CACNA1I: variants seen among roughly 807,000 people sequenced by gnomAD.
The protein encoded by CACNA1I is calcium voltage-gated channel subunit alpha1 I.
A neutral mutation model predicts 201.6 loss-of-function variants in CACNA1I; 74 were observed. That is an observed-to-expected ratio of 0.37 (90% CI 0.30 to 0.45). The LOEUF is 0.45. Among genes scored for constraint, CACNA1I ranks in the 20% least tolerant of loss-of-function variants. The probability of loss-of-function intolerance (pLI) is 1.00; values close to 1 mark genes in which losing one functional copy is unlikely to be tolerated. For synonymous variants in CACNA1I, 1,431 were observed against 1,345.2 expected (o/e 1.06, Z -1.40); for missense variants, 2,346 against 3,138.1 (o/e 0.75, Z 6.03).
Position 39,677,311 on chromosome 22 carries a change from C to A in CACNA1I, c.4855-30C>A, listed in dbSNP as rs1344380786. The A allele has an allele frequency of 2.0e-6, 3 of 1,523,392 alleles. No individual in the cohort carries two copies. The highest frequency in any genetic ancestry group is 8.9e-7 in the Non-Finnish European group (1 of 1,124,188). The allele number at this position is 1,523,392 out of a possible 1,614,324, so 94.4% of individuals were successfully genotyped here. The stretch of plus-strand genomic sequence containing the variant: ...TGGTGCGCCCCCACCCGCTCCCCAG[C>A]CCCACCCGGCCTCACCTGTCCTCCC... On this transcript the variant is annotated intron_variant, in intron 29 of 36. Coordinates refer to ENST00000402142, the MANE Select transcript of CACNA1I (RefSeq NM_021096.4). The surrounding 1 kb of genome is among the most constrained non-coding windows in gnomAD (Gnocchi z 4.8).
Position 39,665,853 on chromosome 22 carries a change from G to A in CACNA1I, c.3979-28G>A. On this transcript the variant is annotated intron_variant, in intron 22 of 36. Transcript: ENST00000402142. The surrounding 1 kb of genome is among the most constrained non-coding windows in gnomAD (Gnocchi z 5.5). ...TCTGACTTGCAACCCTCACCTGTGA[G>A]AGCACCAACCTCACCCCCTTTCCCC... The A allele has an allele frequency of 6.2e-7, 1 of 1,613,596 alleles. No individual in the cohort carries two copies. Among genetic ancestry groups the A allele is most frequent in the Non-Finnish European group, 8.5e-7 (1 of 1,179,770 alleles).
At chr22:39,624,825 T>A (rs1043078360) in intron 4 of CACNA1I, among the ~76,000 whole-genome samples, 1 of 152,212 alleles carries the variant, frequency 6.6e-6, no homozygotes, top group Non-Finnish European at 1.5e-5. Flanking sequence ...CTGGTTTTTT[T>A]ATTTTCTTTT....
chr22:39,576,545 C>G (rs1932361370), intron 1 of CACNA1I, among the ~76,000 whole-genome samples: 1 of 152,242 alleles, frequency 6.6e-6, no homozygotes, highest in Non-Finnish European at 1.5e-5. Flanking sequence ...CAGAGAGGAG[C>G]TTCCCGTTTC....
chr22:39,603,495 G>C (rs921551605), intron 3 of CACNA1I, among the ~76,000 whole-genome samples: 1 of 151,938 alleles, frequency 6.6e-6, no homozygotes, highest in Non-Finnish European at 1.5e-5. Flanking sequence ...AGAGTACCTT[G>C]TGCCTGTTCT....
chr22:39,603,111 G>A (rs984508443), intron 3 of CACNA1I, among the ~76,000 whole-genome samples: 4 of 150,236 alleles, frequency 2.7e-5, no homozygotes, highest in South Asian at 2.1e-4. Context: ...AGCAGTGATC[G>A]TGCCATTGCA....
In CACNA1I at chr22:39,684,395, G is replaced by T. The variant is rs775205435; in HGVS notation, c.5924G>T (p.Gly1975Val). 22 of 1,613,556 alleles carry T rather than the reference G, an allele frequency of 1.4e-5. No homozygotes were observed. Among genetic ancestry groups the T allele is most frequent in the Non-Finnish European group, 1.9e-5 (22 of 1,179,870 alleles). The change falls in exon 36 of 37, where the codon GGC (glycine) becomes GTC (valine). Residue 1975 changes from glycine (G) to valine (V), a missense_variant. Physicochemically the swap from Gly to Val is moderately radical, Grantham distance 109. Transcript: ENST00000402142. This position sits in a 1 kb window ranked among gnomAD's most constrained non-coding sequence, Gnocchi z 4.6. The part of the protein sequence containing the change: ...FHPAVSASQK[G>V]PEKGTGTGTL... ...CCTGCAGTGTCTGCCAGCCAGAAAG[G>T]CCCAGAAAAGGGCACTGGCACTGGA...
In CACNA1I at chr22:39,688,956, C is replaced by T. The variant is rs1304980342; in HGVS notation, c.*2551C>T. ...CACCTGCCGATCCCAGGCACTTGAC[C>T]TTGTTCCTGTGGGTGACAGAGATGA... On this transcript the variant is annotated 3_prime_UTR_variant, in exon 37 of 37. Transcript: ENST00000402142. The surrounding 1 kb of genome is among the most constrained non-coding windows in gnomAD (Gnocchi z 4.8). 6.5e-6 allele frequency: 1 copy of T among 152,756 alleles called. No individual in the cohort carries two copies. The highest frequency in any genetic ancestry group is 1.5e-5 in the Non-Finnish European group (1 of 68,134). The allele number at this position is 152,756 out of a possible 1,614,324, so 9.5% of individuals were successfully genotyped here. A position where few individuals can be genotyped will look rare whatever the true frequency, so the allele number is the denominator to read the frequency against.
chr22:39,601,428 C>G (rs1356416704), intron 3 of CACNA1I, among the ~76,000 whole-genome samples: 1 of 152,222 alleles, frequency 6.6e-6, no homozygotes, highest in African/African-American at 2.4e-5. Flanking sequence ...CCGACTGAGC[C>G]AAGCTGGGGA....
At chr22:39,635,229 G>A (rs139884857) in intron 5 of CACNA1I, among the ~76,000 whole-genome samples, 11 of 152,286 alleles carry the variant, frequency 7.2e-5, no homozygotes, top group East Asian at 5.8e-4. Context: ...TATGCATGGC[G>A]TGCACCGACT....
Position 39,620,265 on chromosome 22 carries a change from ATCCATC to A in CACNA1I, c.580+859_580+864del, listed in dbSNP as rs1569065709. ...CATCCATCCATCCATCCATCCATCC[ATCCATC>A]CATCCATACGTACATACATACATCT... On this transcript the variant is annotated intron_variant, in intron 4 of 36. Coordinates refer to ENST00000402142, the MANE Select transcript of CACNA1I (RefSeq NM_021096.4). Among the ~76,000 whole-genome samples the A allele has an allele frequency of 2.7e-4, 37 of 136,114 alleles. 1 individual carries two copies. The highest frequency in any genetic ancestry group is 9.4e-4 in the African/African-American group (36 of 38,212). 89.3% of individuals were successfully genotyped at this position (136,114 alleles called of 152,430 possible).
At chr22:39,674,670 C>G (rs567109679) in intron 29 of CACNA1I, among the ~76,000 whole-genome samples, 2 of 152,106 alleles carry the variant, frequency 1.3e-5, no homozygotes, top group African/African-American at 4.8e-5. Context: ...TTCCCTCCCC[C>G]GCTGTCTTGA....
chr22:39,632,095 T>G lies in CACNA1I; in HGVS notation c.581-2470T>G, dbSNP rs541326235. ...GCAGGAGCCTTTTGGAATTTCAATA[T>G]CCCAGAGAACAAGGGAGATGTAATT... is the stretch of plus-strand genomic sequence containing the variant. On this transcript the variant is annotated intron_variant, in intron 4 of 36. Transcript: ENST00000402142. 2.0e-5 allele frequency among the ~76,000 whole-genome samples: 3 copies of G among 152,050 alleles called. No individual in the cohort carries two copies. The East Asian group carries it at 5.8e-4, about 29-fold the overall frequency.
chr22:39,579,754 C>G (rs1420887533), intron 1 of CACNA1I, among the ~76,000 whole-genome samples: 1 of 151,890 alleles, frequency 6.6e-6, no homozygotes, highest in African/African-American at 2.4e-5. Flanking sequence ...TCAAGCGATT[C>G]TCCTGCCTCA....
chr22:39,580,121 GAC>G (rs1284732401), intron 1 of CACNA1I, among the ~76,000 whole-genome samples: 1 of 152,196 alleles, frequency 6.6e-6, no homozygotes, highest in Admixed American at 6.5e-5. Flanking sequence ...ATTTGGAGGA[GAC>G]ACACATCAAA....
intron 2 of CACNA1I, among the ~76,000 whole-genome samples, chr22:39,600,241 G>A (rs530401029): frequency 1.3e-5 from 2 of 152,216 alleles, no homozygotes; most frequent in East Asian, 1.9e-4. Flanking sequence ...CCCCACCTGG[G>A]GCTCTTCTAT....
At chr22:39,627,983 G>A (rs770144463) in intron 4 of CACNA1I, among the ~76,000 whole-genome samples, 21 of 152,164 alleles carry the variant, frequency 1.4e-4, no homozygotes, top group Non-Finnish European at 2.6e-4. Flanking sequence ...AGCATCTGGC[G>A]AGCGCTGGAT....
In CACNA1I at chr22:39,642,338, G is replaced by A. The variant is rs527548384; in HGVS notation, c.1057-459G>A. 3.3e-5 allele frequency among the ~76,000 whole-genome samples: 5 copies of A among 152,260 alleles called. No homozygotes were observed. The South Asian group carries it at 1.0e-3, about 32-fold the overall frequency. On this transcript the variant is annotated intron_variant, in intron 6 of 36. Transcript: ENST00000402142. ...CCCCAGTCTGGGAAGGAGTTGGGGT[G>A]GGGTGGGGGGTGACAAAGTCACACC...
At chr22:39,571,390 C>T (rs1018750408) in intron 1 of CACNA1I, among the ~76,000 whole-genome samples, 6 of 147,352 alleles carry the variant, frequency 4.1e-5, no homozygotes, top group Non-Finnish European at 6.0e-5. Context: ...GCGGGGCAGC[C>T]GATCCCAACA....
At position 39,665,784 on chromosome 22, in the gene CACNA1I, GCA is replaced by G; in HGVS notation, c.3979-94_3979-93del. 1.3e-6 allele frequency: 2 copies of G among 1,569,046 alleles called. No individual in the cohort carries two copies. The highest frequency in any genetic ancestry group is 1.7e-6 in the Non-Finnish European group (2 of 1,145,650). On this transcript the variant is annotated intron_variant, in intron 22 of 36. Coordinates refer to ENST00000402142, the MANE Select transcript of CACNA1I (RefSeq NM_021096.4). This position sits in a 1 kb window ranked among gnomAD's most constrained non-coding sequence, Gnocchi z 5.5. ...GACAGACATGGGCCCAGATGACTGA[GCA>G]CAAGACAGTCTGAGTAAACGCGATC... is the stretch of plus-strand genomic sequence containing the variant.
Sources: allele counts gnomAD v4.1 joint callset (sites outside exome capture counted in the v4.1 genomes callset), GRCh38; gene constraint gnomAD v4.1.1; non-coding constraint Gnocchi (gnomAD v3.1); transcripts MANE v1.5; gene names NCBI Gene and HGNC (gene_info 2026-07-23, HGNC 2026-07-21).